Variants in ABCA12 observed in about 807,000 individuals in gnomAD.
ABCA12 encodes ATP binding cassette subfamily A member 12, also known as glucosylceramide transporter ABCA12.
A neutral mutation model predicts 293.5 loss-of-function variants in ABCA12; 156 were observed. The ratio of observed to expected loss-of-function variants is 0.53; its 90% CI spans 0.47 to 0.61. The LOEUF is 0.61. Ranked by LOEUF, ABCA12 falls within the 20% of genes least tolerant of loss-of-function variation. The probability of loss-of-function intolerance (pLI) is 0.00; values close to 1 mark genes in which losing one functional copy is unlikely to be tolerated. For synonymous variants in ABCA12, 1,063 were observed against 1,108.0 expected (o/e 0.96, Z 0.81); for missense variants, 2,797 against 3,090.2 (o/e 0.91, Z 2.25).
At position 214,978,338 on chromosome 2, in the gene ABCA12, G is replaced by T; in HGVS notation, c.5106C>A (p.Ser1702Arg). ...TACCATCTCTGTCTGTGAAATTGCT[G>T]CTGCTCACAGATAAATCGTCAGGAG... ...ISTPDDLSVS[S>R]SNFTDRDDKI... The change falls in exon 33 of 53, where the codon AGC becomes AGA. Residue 1702 changes from serine to arginine, a missense_variant. Physicochemically the swap from Ser to Arg is moderately radical, Grantham distance 110. Transcript: ENST00000272895. 6.2e-7 allele frequency: 1 copy of T among 1,613,972 alleles called. No individual in the cohort carries two copies. Among genetic ancestry groups the T allele is most frequent in the Non-Finnish European group, 8.5e-7 (1 of 1,179,938 alleles).
chr2:214,938,907 T>G, intron 50 of ABCA12, among the ~76,000 whole-genome samples: 1 of 152,224 alleles, frequency 6.6e-6, no homozygotes. Context: ...TTCTGTAGGT[T>G]GCCTGTTCAC....
intron 51 of ABCA12, among the ~76,000 whole-genome samples, chr2:214,936,435 A>T (rs1698220589): frequency 6.6e-6 from 1 of 152,232 alleles, no homozygotes; most frequent in Admixed American, 6.5e-5. Flanking sequence ...TCACATGGGC[A>T]CAATTGGACC....
rs1472192915 is a variant in ABCA12, at chr2:214,932,558, C to T, written c.*76G>A. The T allele has an allele frequency of 2.0e-5, 21 of 1,051,490 alleles. No individual in the cohort carries two copies. Among genetic ancestry groups the T allele is most frequent in the Middle Eastern group, 2.1e-4 (1 of 4,702 alleles). The allele number at this position is 1,051,490 out of a possible 1,614,324, so 65.1% of individuals were successfully genotyped here. A position where few individuals can be genotyped will look rare whatever the true frequency, so the allele number is the denominator to read the frequency against. On this transcript the variant is annotated 3_prime_UTR_variant, in exon 53 of 53. Transcript: ENST00000272895. ...TTTACTTTAAAATGAAGATATCTTG[C>T]GGAAGTGTATCTTCTGTGGCTTTTC...
chr2:215,064,118 G>C lies in ABCA12; in HGVS notation c.265C>G (p.Pro89Ala), dbSNP rs757915875. The change falls in exon 3 of 53, where the codon CCA becomes GCA. Residue 89 changes from proline to alanine, a missense_variant. Physicochemically the swap from Pro to Ala is conservative, Grantham distance 27. Around this residue, in one of 3 missense-constraint regions of ABCA12, gnomAD observed 656 missense variants for 638.2 expected, o/e 1.03. Coordinates refer to ENST00000272895, the MANE Select transcript of ABCA12 (RefSeq NM_173076.3). ...DSKCKDTPYG[P>A]QDLLRRKGID... The stretch of plus-strand genomic sequence containing the variant: ...CCTTTCCTACGAAGCAGATCTTGTG[G>C]GCCATAGGGTGTGTCTTTGCATTTA... 5.6e-6 allele frequency: 9 copies of C among 1,612,806 alleles called. No homozygotes were observed. Among genetic ancestry groups the C allele is most frequent in the Non-Finnish European group, 6.8e-6 (8 of 1,179,252 alleles).
intron 20 of ABCA12, 81 bp downstream of exon 20, chr2:215,004,120 AAAAGGGGG>A (rs1243119605): frequency 8.7e-7 from 1 of 1,150,512 alleles, no homozygotes; most frequent in Admixed American, 1.9e-5. Flanking sequence ...AGTACAGGAG[AAAAGGGGG>A]GAAAATGTAA....
In ABCA12 at chr2:214,997,713, T is replaced by C. The variant is rs150510675; in HGVS notation, c.3276A>G (p.Lys1092=). Residue 1092 remains lysine, a synonymous_variant, in exon 23 of 53, where the codon AAA becomes AAG. Transcript: ENST00000272895. ...AAFVKKLVYE[K]DLRLHEYMKM... ...AACATACCTCATGAAGCCGGAGGTC[T>C]TTCTCATAGACAAGCTTTTTTACAA... is the stretch of plus-strand genomic sequence containing the variant. 4.5e-4 allele frequency: 727 copies of C among 1,611,312 alleles called. 1 individual carries two copies. Among genetic ancestry groups the C allele is most frequent in the Non-Finnish European group, 5.7e-4 (676 of 1,177,770 alleles).
At chr2:215,016,083 G>C (rs537992291) in intron 14 of ABCA12, among the ~76,000 whole-genome samples, 1 of 151,886 alleles carries the variant, frequency 6.6e-6, no homozygotes, top group East Asian at 2.0e-4. Flanking sequence ...GGTGGAGGTT[G>C]CAGTGAGCTG....
intron 15 of ABCA12, chr2:215,013,409 T>C (rs945556915): frequency 2.0e-5 from 3 of 152,236 alleles, no homozygotes; most frequent in Admixed American, 1.3e-4. Context: ...GAGCACAAGA[T>C]TCAGTTAGAG....
At chr2:215,068,863 C>T (rs574636979) in intron 2 of ABCA12, among the ~76,000 whole-genome samples, 3 of 152,242 alleles carry the variant, frequency 2.0e-5, no homozygotes, top group African/African-American at 4.8e-5. Context: ...AATTCAGGAG[C>T]ACATTGCTCA....
intron 2 of ABCA12, among the ~76,000 whole-genome samples, chr2:215,110,744 A>G (rs6760791): frequency 0.1 from 15,759 of 152,196 alleles, 2,373 homozygotes; most frequent in African/African-American, 0.33. Flanking sequence ...TACTCTCTTT[A>G]CAAAATAATT....
chr2:215,108,625 T>C (rs1702508801), intron 2 of ABCA12, among the ~76,000 whole-genome samples: 1 of 152,172 alleles, frequency 6.6e-6, no homozygotes, highest in South Asian at 2.1e-4. Flanking sequence ...GATCAAGAAA[T>C]ATTTTTATTA....
At chr2:214,978,245 AGTCT>A (rs1699565693) in intron 33 of ABCA12, 67 bp downstream of exon 33, 6 of 1,572,252 alleles carry the variant, frequency 3.8e-6, no homozygotes, top group Non-Finnish European at 4.4e-6. Context: ...TAAAAATCAA[AGTCT>A]GTCTGTGATT....
At chr2:215,122,027 C>T (rs1702817181) in intron 1 of ABCA12, among the ~76,000 whole-genome samples, 1 of 152,118 alleles carries the variant, frequency 6.6e-6, no homozygotes, top group Admixed American at 6.6e-5. Context: ...AATGACTCAT[C>T]TAAAAACTGG....
intron 2 of ABCA12, among the ~76,000 whole-genome samples, chr2:215,073,816 CTG>C (rs1355696527): frequency 6.6e-6 from 1 of 152,156 alleles, no homozygotes; most frequent in Non-Finnish European, 1.5e-5. Context: ...AATTCCTCTC[CTG>C]TTACTATGAT....
intron 11 of ABCA12, 90 bp downstream of exon 11, chr2:215,025,580 ATAT>A: frequency 1.2e-6 from 1 of 834,852 alleles, no homozygotes; most frequent in Non-Finnish European, 1.9e-6. Context: ...ATCTTGCCAA[ATAT>A]TATGAGAAGT....
At chr2:215,015,428 G>T in intron 15 of ABCA12, 62 bp downstream of exon 15, 1 of 1,441,704 alleles carries the variant, frequency 6.9e-7, no homozygotes, top group Non-Finnish European at 9.6e-7. Context: ...GAACATAAAT[G>T]TATAATTAAA....
chr2:215,138,400 A>C lies in ABCA12; in HGVS notation c.-192T>G, dbSNP rs1382280244. 1.6e-5 allele frequency: 10 copies of C among 629,834 alleles called. No individual in the cohort carries two copies. The highest frequency in any genetic ancestry group is 2.8e-5 in the Non-Finnish European group (10 of 351,802). The allele number at this position is 629,834 out of a possible 1,614,324, so 39.0% of individuals were successfully genotyped here. On this transcript the variant is annotated 5_prime_UTR_variant, in exon 1 of 53. Coordinates refer to ENST00000272895, the MANE Select transcript of ABCA12 (RefSeq NM_173076.3). ...GATTTTTCCCTGTGGTTAATCCTTA[A>C]CCAAGAGGCACTTCTCAATCAACTC...
chr2:215,005,339 G>A (rs148345304), intron 19 of ABCA12, among the ~76,000 whole-genome samples: 67 of 152,274 alleles, frequency 4.4e-4, no homozygotes, highest in Non-Finnish European at 8.2e-4. Context: ...AGGCTTGATT[G>A]TCCTTTTAGA....
In ABCA12 at chr2:215,057,664, G is replaced by C. The variant is rs928074028; in HGVS notation, c.318-3000C>G. ...AATTTCCCCCTTTTTAGAGTGTAAG[G>C]TTCTTAAGAAAAGCCTACAGTGTAT... is the stretch of plus-strand genomic sequence containing the variant. On this transcript the variant is annotated intron_variant, in intron 3 of 52. Coordinates refer to ENST00000272895, the MANE Select transcript of ABCA12 (RefSeq NM_173076.3). Among the ~76,000 whole-genome samples, 3 of 152,068 alleles carry C rather than the reference G, an allele frequency of 2.0e-5. No homozygotes were observed. The South Asian group carries it at 6.2e-4, about 32-fold the overall frequency.
Sources: gnomAD v4.1 joint callset for allele counts (sites outside exome capture counted in the v4.1 genomes callset) on GRCh38, gnomAD v4.1.1 for gene constraint, gnomAD v4.1.1 regional missense constraint, MANE v1.5 for transcripts, NCBI Gene and HGNC (gene_info 2026-07-23, HGNC 2026-07-21) for gene names.